Variants in QRSL1 observed in about 807,000 individuals in gnomAD.
QRSL1 encodes the protein glutamyl-tRNA(Gln) amidotransferase subunit A, mitochondrial.
A neutral mutation model predicts 61.6 loss-of-function variants in QRSL1; 54 were observed. The observed-to-expected ratio is 0.88, with a 90% confidence interval of 0.70 to 1.10. The LOEUF is 1.10. Ranked by LOEUF, QRSL1 falls within the 50% of genes least tolerant of loss-of-function variation. The probability of loss-of-function intolerance (pLI) is 0.00; values close to 1 mark genes in which losing one functional copy is unlikely to be tolerated. For missense variants in QRSL1, 505 were observed against 622.6 expected (o/e 0.81, Z 2.01); for synonymous variants, 228 against 225.7 (o/e 1.01, Z -0.09).
intron 9 of QRSL1, among the ~76,000 whole-genome samples, chr6:106,656,141 G>A (rs1777267686): frequency 6.6e-6 from 1 of 152,186 alleles, no homozygotes. Context: ...ACGTGCAGGA[G>A]GTGTGCATAG....
At chr6:106,631,223 CT>C (rs1472415572) in intron 1 of QRSL1, among the ~76,000 whole-genome samples, 1 of 152,044 alleles carries the variant, frequency 6.6e-6, no homozygotes, top group African/African-American at 2.4e-5. Context: ...AAGACTCCGT[CT>C]CAAAAAATAA....
chr6:106,654,727 A>G lies in QRSL1; in HGVS notation c.850-3A>G, dbSNP rs947204455. The stretch of plus-strand genomic sequence containing the variant: ...ATTTTGTATCTTGACTTTTTGCTAT[A>G]AGGAATATCTTGTACCGGAATTATC... On this transcript the variant is annotated splice_region_variant and splice_polypyrimidine_tract_variant and intron_variant, in intron 7 of 10. Coordinates refer to ENST00000369046, the MANE Select transcript of QRSL1 (RefSeq NM_018292.5). The G allele has an allele frequency of 2.0e-5, 32 of 1,600,180 alleles. No homozygotes were observed. The highest frequency in any genetic ancestry group is 2.3e-5 in the Non-Finnish European group (27 of 1,176,896).
At chr6:106,639,125 T>TG (rs373421685) in intron 1 of QRSL1, among the ~76,000 whole-genome samples, 71,452 of 133,218 alleles carry the variant, frequency 0.54, 20,179 homozygotes, top group Non-Finnish European at 0.62. Flanking sequence ...TGTTGTTTTT[T>TG]TTTTTTTTTT....
At chr6:106,631,677 A>G (rs926387778) in intron 1 of QRSL1, among the ~76,000 whole-genome samples, 2 of 152,062 alleles carry the variant, frequency 1.3e-5, no homozygotes, top group Admixed American at 1.3e-4. Flanking sequence ...AAAAAATTTT[A>G]ATGGGTACAT....
intron 9 of QRSL1, among the ~76,000 whole-genome samples, chr6:106,658,490 C>A (rs1386570700): frequency 6.6e-6 from 1 of 152,040 alleles, no homozygotes; most frequent in African/African-American, 2.4e-5. Context: ...GGAGTGAGAG[C>A]CTGCACTGAG....
chr6:106,666,197 A>G lies in QRSL1; in HGVS notation c.*195A>G, dbSNP rs1777431718. On this transcript the variant is annotated 3_prime_UTR_variant, in exon 11 of 11. Coordinates refer to ENST00000369046, the MANE Select transcript of QRSL1 (RefSeq NM_018292.5). The stretch of plus-strand genomic sequence containing the variant: ...CTTAGTGGCGGGCATCTGTAGTCCC[A>G]GCTACTCAGGAGGCTGAGGCAGGAG... 2 of 549,364 alleles carry G rather than the reference A, an allele frequency of 3.6e-6. No homozygotes were observed. The highest frequency in any genetic ancestry group is 3.1e-5 in the Admixed American group (1 of 32,204). The allele number at this position is 549,364 out of a possible 1,614,324, so 34.0% of individuals were successfully genotyped here. A position where few individuals can be genotyped will look rare whatever the true frequency, so the allele number is the denominator to read the frequency against.
chr6:106,663,880 C>G (rs559616713), intron 10 of QRSL1, among the ~76,000 whole-genome samples: 1 of 152,042 alleles, frequency 6.6e-6, no homozygotes, highest in East Asian at 1.9e-4. Context: ...GCTGATATGC[C>G]CTTCACCTGG....
rs1777210007 is a variant in QRSL1, at chr6:106,652,770, T to A, written c.849+188T>A. The A allele has an allele frequency of 2.0e-6, 3 of 1,502,682 alleles. No homozygotes were observed. The East Asian group carries it at 7.4e-5, about 37-fold the overall frequency. The allele number at this position is 1,502,682 out of a possible 1,614,324, so 93.1% of individuals were successfully genotyped here. ...TGTAAAATAGGAATAATAAAAATAC[T>A]GACTTCAGAGAGGTTTGTGAGGATC... On this transcript the variant is annotated intron_variant, in intron 7 of 10. Coordinates refer to ENST00000369046, the MANE Select transcript of QRSL1 (RefSeq NM_018292.5).
At chr6:106,658,201 A>G (rs1269608207) in intron 9 of QRSL1, among the ~76,000 whole-genome samples, 5 of 151,984 alleles carry the variant, frequency 3.3e-5, no homozygotes, top group East Asian at 3.8e-4. Flanking sequence ...ATTTACCTAC[A>G]TATTTAGTAT....
chr6:106,652,870 C>T, intron 7 of QRSL1: 5 of 1,012,636 alleles, frequency 4.9e-6, no homozygotes, highest in Non-Finnish European at 7.0e-6. Flanking sequence ...ATTTTGTGGA[C>T]CATGCAGTCT....
rs767272537 is a variant in QRSL1, at chr6:106,640,408, C to T, written c.84C>T (p.Leu28=). The change falls in exon 2 of 11, where the codon CTC becomes CTT. Residue 28 remains leucine, a synonymous_variant. Transcript: ENST00000369046. ...CAACAGAGCTCTGTCAAAAATGTCTCTCTCTTATCAAGAAGACCAAGTTTC... is the reference window on the plus strand; with the variant it reads ...CAACAGAGCTCTGTCAAAAATGTCTTTCTCTTATCAAGAAGACCAAGTTTC... ...ITPTELCQKC[L]SLIKKTKFLN... 7 of 1,613,086 alleles carry T rather than the reference C, an allele frequency of 4.3e-6. No individual in the cohort carries two copies. Among genetic ancestry groups the T allele is most frequent in the Admixed American group, 1.7e-5 (1 of 59,964 alleles).
chr6:106,651,971 T>C (rs1319988854), intron 5 of QRSL1, among the ~76,000 whole-genome samples: 1 of 152,112 alleles, frequency 6.6e-6, no homozygotes, highest in Non-Finnish European at 1.5e-5. Flanking sequence ...GTGAAAAAAA[T>C]GCATTTTTAA....
In QRSL1 at chr6:106,654,792, C is replaced by A; in HGVS notation, c.912C>A (p.Leu304=). The change falls in exon 8 of 11, where the codon CTC becomes CTA. Residue 304 remains leucine, a synonymous_variant. Transcript: ENST00000369046. The stretch of plus-strand genomic sequence containing the variant: ...CTCTTTGGTCCAAAGCTGCTGACCT[C>A]TTTGAGTCTGAGGGGGCCAAAGTAA... The part of the protein sequence containing the change: ...VQSLWSKAAD[L]FESEGAKVIE... 3 of 1,613,724 alleles carry A rather than the reference C, an allele frequency of 1.9e-6. No individual in the cohort carries two copies. Among genetic ancestry groups the A allele is most frequent in the Non-Finnish European group, 2.5e-6 (3 of 1,179,826 alleles).
At chr6:106,658,438 C>T (rs1019647590) in intron 9 of QRSL1, among the ~76,000 whole-genome samples, 1 of 152,148 alleles carries the variant, frequency 6.6e-6, no homozygotes, top group African/African-American at 2.4e-5. Flanking sequence ...CCTGTAGTTA[C>T]AGCTACTCAG....
intron 9 of QRSL1, among the ~76,000 whole-genome samples, chr6:106,659,989 A>G (rs1180760869): frequency 6.6e-6 from 1 of 152,156 alleles, no homozygotes; most frequent in Non-Finnish European, 1.5e-5. Context: ...ATCTCCCTGC[A>G]GATCTGTTGA....
At chr6:106,655,013 ATAATGT>A in intron 8 of QRSL1, 91 bp downstream of exon 8, 3 of 1,206,642 alleles carry the variant, frequency 2.5e-6, no homozygotes, top group Non-Finnish European at 3.5e-6. Context: ...AATGCTTGAG[ATAATGT>A]TAGTGATTCA....
intron 1 of QRSL1, 115 bp from the exon 2 acceptor site, chr6:106,640,234 A>T: frequency 1.1e-6 from 1 of 900,468 alleles, no homozygotes; most frequent in Non-Finnish European, 1.7e-6. Flanking sequence ...TTTTGAACCC[A>T]AGCCTCACTT....
At position 106,652,423 on chromosome 6, in the gene QRSL1, T is replaced by C. The variant is rs754906372; in HGVS notation, c.733+39T>C. On this transcript the variant is annotated intron_variant, in intron 6 of 10. Coordinates refer to ENST00000369046, the MANE Select transcript of QRSL1 (RefSeq NM_018292.5). ...TCTATATCATTTGCAACAGCTTCTC[T>C]ATAAAACAATATATCTGTCATTCAT... 8.7e-6 allele frequency: 14 copies of C among 1,613,506 alleles called. No homozygotes were observed. The Admixed American group carries it at 2.3e-4, about 27-fold the overall frequency.
chr6:106,656,558 T>C (rs1044214504), intron 9 of QRSL1, among the ~76,000 whole-genome samples: 2 of 152,218 alleles, frequency 1.3e-5, no homozygotes, highest in African/African-American at 4.8e-5. Flanking sequence ...AAAAGCAAGA[T>C]TGGTTATTGT....
Sources: allele counts gnomAD v4.1 joint callset (sites outside exome capture counted in the v4.1 genomes callset), GRCh38; gene constraint gnomAD v4.1.1; transcripts MANE v1.5; gene names NCBI Gene and HGNC (gene_info 2026-07-23, HGNC 2026-07-21).